CCDC117: variants seen among roughly 807,000 people sequenced by gnomAD.
The protein encoded by CCDC117 is coiled-coil domain containing 117, also known as coiled-coil domain-containing protein 117.
In CCDC117, 1 loss-of-function variant was observed where a neutral mutation model predicts 23.5. The observed-to-expected ratio is 0.04, with a 90% CI of 0.02 to 0.20. The LOEUF is 0.20. Ranked by LOEUF, CCDC117 falls within the 10% of genes least tolerant of loss-of-function variation. The probability of loss-of-function intolerance (pLI) is 1.00; values close to 1 mark genes in which losing one functional copy is unlikely to be tolerated. For synonymous variants in CCDC117, 132 were observed against 124.8 expected (o/e 1.06, Z -0.39); for missense variants, 383 against 348.2 (o/e 1.10, Z -0.80).
rs1456729824 is a variant in CCDC117 at position 28,772,762 on chromosome 22, G to A, written c.-88G>A. ...TCGAGAGCGGGATCCGAGGCTGGCG[G>A]GTTTTGGCAGTAGCTGTGGCTGCGG... On this transcript the variant is annotated 5_prime_UTR_variant, in exon 1 of 5. Coordinates refer to ENST00000249064, the MANE Select transcript of CCDC117 (RefSeq NM_173510.4). 3 of 1,067,578 alleles carry A rather than the reference G, an allele frequency of 2.8e-6. No individual in the cohort carries two copies. The highest frequency in any genetic ancestry group is 4.5e-5 in the Admixed American group (1 of 22,470). 66.1% of individuals were successfully genotyped at this position (1,067,578 alleles called of 1,614,324 possible). A position where few individuals can be genotyped will look rare whatever the true frequency, so the allele number is the denominator to read the frequency against.
At chr22:28,783,375 T>G in intron 3 of CCDC117, 133 bp from the exon 4 acceptor site, 1 of 784,490 alleles carries the variant, frequency 1.3e-6, no homozygotes, top group Non-Finnish European at 2.0e-6. Context: ...ATAGCCTCAT[T>G]TTTTGCTTGT....
At position 28,783,661 on chromosome 22, in the gene CCDC117, T is replaced by C; in HGVS notation, c.602+16T>C. 1 of 1,610,102 alleles carries C rather than the reference T, an allele frequency of 6.2e-7. No homozygotes were observed. The highest frequency in any genetic ancestry group is 1.3e-5 in the African/African-American group (1 of 74,786). ...TTGAGTCTATGTAAGTTTTGGTACC[T>C]GATTTCTATTTAATTATGATCTTGG... On this transcript the variant is annotated intron_variant, in intron 4 of 4. Transcript: ENST00000249064.
rs771701797 is a variant in CCDC117, at chr22:28,786,768, A to T, written c.*442A>T. The T allele has an allele frequency of 6.3e-6, 1 of 157,708 alleles. No individual in the cohort carries two copies. The highest frequency in any genetic ancestry group is 1.4e-5 in the Non-Finnish European group (1 of 70,994). The allele number at this position is 157,708 out of a possible 1,614,324, so 9.8% of individuals were successfully genotyped here. ...TAGATATGAGCTGTTTACAGTGGTG[A>T]CTATATATAATTGGGGAGAAGAAGG... On this transcript the variant is annotated 3_prime_UTR_variant, in exon 5 of 5. Coordinates refer to ENST00000249064, the MANE Select transcript of CCDC117 (RefSeq NM_173510.4).
intron 2 of CCDC117, among the ~76,000 whole-genome samples, chr22:28,779,394 C>T (rs1455887654): frequency 6.6e-6 from 1 of 151,174 alleles, no homozygotes; most frequent in African/African-American, 2.4e-5. Flanking sequence ...TTAGTGGAGA[C>T]GGGGTTTCAC....
At chr22:28,777,271 C>T (rs992338118) in intron 2 of CCDC117, among the ~76,000 whole-genome samples, 2 of 149,886 alleles carry the variant, frequency 1.3e-5, no homozygotes, top group East Asian at 2.0e-4. Flanking sequence ...GTGATTCGCT[C>T]GCCCGCTGGC....
Position 28,780,924 on chromosome 22 carries a change from T to C in CCDC117, c.240-24T>C, listed in dbSNP as rs771371660. The C allele has an allele frequency of 3.2e-6, 5 of 1,538,614 alleles. No homozygotes were observed. The South Asian group carries it at 5.7e-5, about 18-fold the overall frequency. On this transcript the variant is annotated intron_variant, in intron 2 of 4. Transcript: ENST00000249064. ...TCATTTATATTAGTTGGGATTTTCATTGAATTTTTTTTCTTTTTTTCAGTT... is the reference window on the plus strand; with the variant it reads ...TCATTTATATTAGTTGGGATTTTCACTGAATTTTTTTTCTTTTTTTCAGTT...
chr22:28,776,944 T>A (rs138252930), intron 2 of CCDC117, among the ~76,000 whole-genome samples: 3 of 152,146 alleles, frequency 2.0e-5, no homozygotes, highest in African/African-American at 7.2e-5. Flanking sequence ...GGTCTAAAAC[T>A]CATGACTTCA....
chr22:28,786,477 G>A lies in CCDC117; in HGVS notation c.*151G>A. The A allele has an allele frequency of 5.1e-6, 3 of 593,416 alleles. No individual in the cohort carries two copies. In the South Asian group the frequency reaches 7.0e-5, roughly 14 times the overall value. The allele number at this position is 593,416 out of a possible 1,614,324, so 36.8% of individuals were successfully genotyped here. A position where few individuals can be genotyped will look rare whatever the true frequency, so the allele number is the denominator to read the frequency against. On this transcript the variant is annotated 3_prime_UTR_variant, in exon 5 of 5. Coordinates refer to ENST00000249064, the MANE Select transcript of CCDC117 (RefSeq NM_173510.4). ...TTTGGGGGTGGGACTCTTATTTTGG[G>A]TAGCCATTTATTGACTTCACCTTTT...
chr22:28,774,781 CTTTTTCTTTCTT>C (rs764337002), intron 2 of CCDC117, among the ~76,000 whole-genome samples: 49 of 151,876 alleles, frequency 3.2e-4, no homozygotes, highest in Non-Finnish European at 5.0e-4. Context: ...AAGTGTTTTT[CTTTTTCTTTCTT>C]TTTTTCTTTT....
rs2031534595 is a variant in CCDC117, at chr22:28,787,068, GTAA to G, written c.*743_*745del. ...ACTTTGATAGTTAAAAGATTATGAG[GTAA>G]CCCATCTGCAATTTGCCTGTGGGAG... On this transcript the variant is annotated 3_prime_UTR_variant, in exon 5 of 5. Transcript: ENST00000249064. 1 of 152,536 alleles carries G rather than the reference GTAA, an allele frequency of 6.6e-6. No homozygotes were observed. The highest frequency in any genetic ancestry group is 2.4e-5 in the African/African-American group (1 of 41,422). The allele number at this position is 152,536 out of a possible 1,614,324, so 9.4% of individuals were successfully genotyped here.
In CCDC117 at chr22:28,781,016, G is replaced by C. The variant is rs372317352; in HGVS notation, c.308G>C (p.Cys103Ser). The C allele has an allele frequency of 6.2e-7, 1 of 1,613,854 alleles. No individual in the cohort carries two copies. Among genetic ancestry groups the C allele is most frequent in the African/African-American group, 1.3e-5 (1 of 74,860 alleles). ...GCTGGTCCTAATGACTGGATTCTTT[G>C]TGCACATCAGGATGTAGAGGGGCAT... Reference protein sequence around the residue: ...LCAGPNDWILCAHQDVEGHGV... With the variant: ...LCAGPNDWILSAHQDVEGHGV... Residue 103 changes from cysteine to serine, a missense_variant, in exon 3 of 5, where the codon TGT (cysteine) becomes TCT (serine). Physicochemically the swap from Cys to Ser is moderately radical, Grantham distance 112 (BLOSUM62 -1). Coordinates refer to ENST00000249064, the MANE Select transcript of CCDC117 (RefSeq NM_173510.4).
chr22:28,772,798 T>TGGGGACGCGGGCGGCC lies in CCDC117; in HGVS notation c.-50_-35dup. 8.2e-7 allele frequency: 1 copy of TGGGGACGCGGGCGGCC among 1,212,900 alleles called. No homozygotes were observed. Among genetic ancestry groups the TGGGGACGCGGGCGGCC allele is most frequent in the Non-Finnish European group, 1.0e-6 (1 of 974,496 alleles). 75.1% of individuals were successfully genotyped at this position (1,212,900 alleles called of 1,614,324 possible). Reference sequence around the variant, plus strand: ...TAGCTGTGGCTGCGGCTGCCGGGCCTGGGGACGCGGGCGGCCGAGGCCGCC... The same window carrying TGGGGACGCGGGCGGCC: ...TAGCTGTGGCTGCGGCTGCCGGGCCTGGGGACGCGGGCGGCCGGGGACGCGGGCGGCCGAGGCCGCC... On this transcript the variant is annotated 5_prime_UTR_variant, in exon 1 of 5. Coordinates refer to ENST00000249064, the MANE Select transcript of CCDC117 (RefSeq NM_173510.4).
chr22:28,780,874 A>C, intron 2 of CCDC117, 74 bp from the exon 3 acceptor site: 1 of 1,121,094 alleles, frequency 8.9e-7, no homozygotes, highest in Non-Finnish European at 1.3e-6. Flanking sequence ...CAAAAACTTG[A>C]TTGGAGATAG....
chr22:28,779,365 G>C (rs989996452), intron 2 of CCDC117, among the ~76,000 whole-genome samples: 37 of 150,010 alleles, frequency 2.5e-4, no homozygotes, highest in African/African-American at 8.8e-4. Flanking sequence ...ACTGCGCCCA[G>C]CTTTTTTTTT....
At position 28,786,389 on chromosome 22, in the gene CCDC117, C is replaced by G. The variant is rs1222297300; in HGVS notation, c.*63C>G. On this transcript the variant is annotated 3_prime_UTR_variant, in exon 5 of 5. Transcript: ENST00000249064. ...GAATCCTGTGTTCAGTTATGAGACTCTTTGCATAGTATAGGGACTTGAAAG... is the reference window on the plus strand; with the variant it reads ...GAATCCTGTGTTCAGTTATGAGACTGTTTGCATAGTATAGGGACTTGAAAG... 22 of 1,188,972 alleles carry G rather than the reference C, an allele frequency of 1.9e-5. No homozygotes were observed. The highest frequency in any genetic ancestry group is 2.7e-5 in the Non-Finnish European group (22 of 811,550). 73.7% of individuals were successfully genotyped at this position (1,188,972 alleles called of 1,614,324 possible). A position where few individuals can be genotyped will look rare whatever the true frequency, so the allele number is the denominator to read the frequency against.
intron 2 of CCDC117, 84 bp downstream of exon 2, chr22:28,773,862 T>C: frequency 1.9e-6 from 2 of 1,053,986 alleles, no homozygotes; most frequent in South Asian, 2.6e-5. Flanking sequence ...AGTGAAAAGG[T>C]GAAACATTAG....
intron 2 of CCDC117, among the ~76,000 whole-genome samples, chr22:28,774,251 T>TAG (rs2031094995): frequency 6.6e-6 from 1 of 150,820 alleles, no homozygotes; most frequent in South Asian, 2.1e-4. Context: ...TTTTTTTTAG[T>TAG]AGAGACGGGG....
intron 2 of CCDC117, among the ~76,000 whole-genome samples, chr22:28,776,281 C>T (rs930792808): frequency 2.0e-5 from 3 of 152,060 alleles, no homozygotes; most frequent in South Asian, 4.1e-4. Context: ...GTGGTGCGCC[C>T]CTGTGATCCC....
At chr22:28,783,697 C>G in intron 4 of CCDC117, 52 bp downstream of exon 4, 2 of 1,554,454 alleles carry the variant, frequency 1.3e-6, no homozygotes. Context: ...AGGGAAGACC[C>G]AATGTCTAGA....
Sources: gnomAD v4.1 joint callset for allele counts (sites outside exome capture counted in the v4.1 genomes callset) on GRCh38, gnomAD v4.1.1 for gene constraint, MANE v1.5 for transcripts, NCBI Gene and HGNC (gene_info 2026-07-23, HGNC 2026-07-21) for gene names.